Variants in RAB11A observed in about 807,000 individuals in gnomAD.
RAB11A encodes ras-related protein Rab-11A.
In RAB11A, 9 loss-of-function variants were observed where a neutral mutation model predicts 28.0. That is an observed-to-expected ratio of 0.32 (90% CI 0.19 to 0.56). RAB11A has a LOEUF of 0.56. Among genes scored for constraint, RAB11A ranks in the 20% least tolerant of loss-of-function variants. RAB11A has a pLI of 0.91. For synonymous variants in RAB11A, 85 were observed against 88.2 expected (o/e 0.96, Z 0.20); for missense variants, 108 against 269.6 (o/e 0.40, Z 4.20).
rs35164022 is a variant in RAB11A at position 65,887,177 on chromosome 15, C to CTT, written c.512-511_512-510dup. On this transcript the variant is annotated intron_variant, in intron 4 of 4. Coordinates refer to ENST00000261890, the MANE Select transcript of RAB11A (RefSeq NM_004663.5). ...ACAATGTAATGCTATTGGCTTACCT[C>CTT]TTTTTTTTTTTTTTGAGACCGAGTC... Among the ~76,000 whole-genome samples, 311 of 141,326 alleles carry CTT rather than the reference C, an allele frequency of 2.2e-3. 1 individual carries two copies. Among genetic ancestry groups the CTT allele is most frequent in the East Asian group, 0.011 (52 of 4,944 alleles). The allele number at this position is 141,326 out of a possible 152,430, so 92.7% of individuals were successfully genotyped here.
chr15:65,883,795 G>A (rs764022290), intron 4 of RAB11A, among the ~76,000 whole-genome samples: 3 of 151,806 alleles, frequency 2.0e-5, no homozygotes, highest in Admixed American at 6.6e-5. Flanking sequence ...CACGTGATTC[G>A]CCTGGCCTCC....
chr15:65,879,870 A>G, intron 4 of RAB11A, 119 bp downstream of exon 4: 1 of 750,700 alleles, frequency 1.3e-6, no homozygotes, highest in Non-Finnish European at 2.1e-6. Context: ...TTTGAGAGCT[A>G]CTCTAGCAAA....
At chr15:65,872,321 T>G (rs1413104278) in intron 1 of RAB11A, among the ~76,000 whole-genome samples, 2 of 151,812 alleles carry the variant, frequency 1.3e-5, no homozygotes, top group African/African-American at 2.4e-5. Context: ...TTAAAGAAAA[T>G]AAAACTAGGA....
chr15:65,872,479 G>C (rs1184356837), intron 1 of RAB11A, among the ~76,000 whole-genome samples: 1 of 148,920 alleles, frequency 6.7e-6, no homozygotes, highest in Admixed American at 6.8e-5. Flanking sequence ...TTGTTTCCCA[G>C]GTTGGAGTGC....
intron 3 of RAB11A, 37 bp from the exon 4 acceptor site, chr15:65,879,634 A>T: frequency 6.7e-7 from 1 of 1,492,118 alleles, no homozygotes; most frequent in Non-Finnish European, 9.3e-7. Flanking sequence ...CCTTGTTTTA[A>T]AACTTAACAA....
intron 4 of RAB11A, among the ~76,000 whole-genome samples, chr15:65,881,766 G>A (rs182833548): frequency 6.6e-6 from 1 of 151,342 alleles, no homozygotes; most frequent in African/African-American, 2.4e-5. Flanking sequence ...CAGGCGGATC[G>A]CTTGAGCTCA....
rs1307596885 is a variant in RAB11A, at chr15:65,877,919, A to C, written c.394A>C (p.Arg132=). The change falls in exon 3 of 5, where the codon AGG becomes CGG. Residue 132 remains arginine, a synonymous_variant. Coordinates refer to ENST00000261890, the MANE Select transcript of RAB11A (RefSeq NM_004663.5). The surrounding 1 kb of genome is among the most constrained non-coding windows in gnomAD (Gnocchi z 4.1). ...VGNKSDLRHL[R]AVPTDEARAF... ...CAATAAGAGTGATCTACGTCATCTCAGGGCAGTTCCTACAGATGAAGCAAG... is the reference window on the plus strand; with the variant it reads ...CAATAAGAGTGATCTACGTCATCTCCGGGCAGTTCCTACAGATGAAGCAAG... The C allele has an allele frequency of 6.8e-6, 11 of 1,613,856 alleles. No individual in the cohort carries two copies. In the Admixed American group the frequency reaches 1.8e-4, roughly 27 times the overall value.
intron 4 of RAB11A, among the ~76,000 whole-genome samples, chr15:65,884,515 CA>C (rs1343603933): frequency 3.3e-5 from 5 of 152,044 alleles, no homozygotes; most frequent in African/African-American, 1.2e-4. Context: ...GCAGACTTCT[CA>C]AAGAACATAG....
chr15:65,874,348 TCTC>T (rs1468456526), intron 1 of RAB11A, among the ~76,000 whole-genome samples: 2 of 152,026 alleles, frequency 1.3e-5, no homozygotes. Context: ...TTCAAGCAAT[TCTC>T]CTGCTTCGGC....
In RAB11A at chr15:65,891,929, A is replaced by C. The variant is rs1306780128; in HGVS notation, c.*4089A>C. The C allele has an allele frequency of 4.6e-5, 7 of 152,228 alleles. No individual in the cohort carries two copies. Among genetic ancestry groups the C allele is most frequent in the Admixed American group, 2.0e-4 (3 of 15,284 alleles). 9.4% of individuals were successfully genotyped at this position (152,228 alleles called of 1,614,324 possible). ...TTATGGCTTTTGCTGTTAAAAAAAA[A>C]CTGCTGGCTTTTAATATGTACTTTA... is the stretch of plus-strand genomic sequence containing the variant. On this transcript the variant is annotated 3_prime_UTR_variant, in exon 5 of 5. Transcript: ENST00000261890.
intron 4 of RAB11A, among the ~76,000 whole-genome samples, chr15:65,882,382 G>T (rs2078228563): frequency 6.6e-6 from 1 of 152,182 alleles, no homozygotes; most frequent in South Asian, 2.1e-4. Context: ...TATTGCACTT[G>T]ATTCTACCTT....
At chr15:65,886,566 GGGAGAGTAAACAAAAA>G (rs1276622769) in intron 4 of RAB11A, among the ~76,000 whole-genome samples, 1 of 152,142 alleles carries the variant, frequency 6.6e-6, no homozygotes, top group African/African-American at 2.4e-5. Context: ...AGGGACAACT[GGGAGAGTAAACAAAAA>G]TAAGGTACAT....
chr15:65,875,936 TAAG>T (rs777997230), intron 1 of RAB11A, among the ~76,000 whole-genome samples: 16 of 152,222 alleles, frequency 1.1e-4, no homozygotes, highest in Non-Finnish European at 2.1e-4. Context: ...CTAGTTTAGA[TAAG>T]AAGAAGTCTT....
rs560918999 is a variant in RAB11A, at chr15:65,875,049, AAAAG to A, written c.41-2266_41-2263del. Among the ~76,000 whole-genome samples the A allele has an allele frequency of 3.7e-4, 56 of 152,178 alleles. 1 individual carries two copies. The highest frequency in any genetic ancestry group is 2.6e-4 in the Non-Finnish European group (18 of 67,986). ...GGCGACAGTGAGACCCTGTCTCAAA[AAAAG>A]AAAGAAAGAAAGAAAGTGCTGGAAG... On this transcript the variant is annotated intron_variant, in intron 1 of 4. Transcript: ENST00000261890.
intron 1 of RAB11A, chr15:65,869,895 C>G (rs2078147864): frequency 2.9e-6 from 1 of 341,508 alleles, no homozygotes; most frequent in Non-Finnish European, 5.3e-6. Context: ...GGACTGCCTT[C>G]TCCCACATCG....
intron 1 of RAB11A, among the ~76,000 whole-genome samples, chr15:65,875,214 AGG>A (rs1166508521): frequency 2.0e-5 from 3 of 152,150 alleles, no homozygotes; most frequent in Admixed American, 2.0e-4. Context: ...TTGGGACTAC[AGG>A]CATGCACCAC....
intron 4 of RAB11A, among the ~76,000 whole-genome samples, chr15:65,882,491 C>T (rs1204971043): frequency 2.0e-5 from 3 of 152,204 alleles, no homozygotes; most frequent in African/African-American, 7.2e-5. Context: ...GGAGCCCAGT[C>T]TGGTCTTGAA....
At chr15:65,885,793 A>G (rs921197304) in intron 4 of RAB11A, among the ~76,000 whole-genome samples, 3 of 152,260 alleles carry the variant, frequency 2.0e-5, no homozygotes, top group Non-Finnish European at 4.4e-5. Context: ...ATTTATTAAC[A>G]TGTACACTGT....
In RAB11A at chr15:65,877,327, T is replaced by C. The variant is rs1170747916; in HGVS notation, c.41-5T>C. 6.2e-7 allele frequency: 1 copy of C among 1,606,412 alleles called. No individual in the cohort carries two copies. On this transcript the variant is annotated splice_region_variant and splice_polypyrimidine_tract_variant and intron_variant, in intron 1 of 4. Transcript: ENST00000261890. This position sits in a 1 kb window ranked among gnomAD's most constrained non-coding sequence, Gnocchi z 4.1. ...CATCTGACATTGAATTCTTTGTCTTTCCAGTTGTCCTTATTGGAGATTCTG... is the reference window on the plus strand; with the variant it reads ...CATCTGACATTGAATTCTTTGTCTTCCCAGTTGTCCTTATTGGAGATTCTG...
Sources: allele counts gnomAD v4.1 joint callset (sites outside exome capture counted in the v4.1 genomes callset), GRCh38; gene constraint gnomAD v4.1.1; non-coding constraint Gnocchi (gnomAD v3.1); transcripts MANE v1.5; gene names NCBI Gene and HGNC (gene_info 2026-07-23, HGNC 2026-07-21).